ANKS1B: variants seen among roughly 807,000 people sequenced by gnomAD.
ANKS1B encodes the protein ankyrin repeat and sterile alpha motif domain containing 1B, also known as ankyrin repeat and sterile alpha motif domain-containing protein 1B.
Under a neutral mutation model 148.3 loss-of-function variants are expected in ANKS1B, and 36 were observed. The observed-to-expected ratio is 0.24, with a 90% CI of 0.19 to 0.32. The LOEUF is 0.32. Ranked by LOEUF, ANKS1B falls within the 10% of genes least tolerant of loss-of-function variation. ANKS1B has a pLI of 1.00. For missense variants in ANKS1B, 1,157 were observed against 1,542.6 expected, an observed-to-expected ratio of 0.75 and a Z score of 4.19; for synonymous variants, 542 against 560.8, an observed-to-expected ratio of 0.97 and a Z score of 0.47.
At chr12:99,088,886 C>T (rs911519774) in intron 15 of ANKS1B, among the ~76,000 whole-genome samples, 4 of 79,452 alleles carry the variant, frequency 5.0e-5, no homozygotes, top group African/African-American at 5.0e-5. Context: ...ACTGTTGTTG[C>T]CCAGGCTGGA....
chr12:98,869,234 T>C (rs1440184494), intron 17 of ANKS1B, among the ~76,000 whole-genome samples: 1 of 152,244 alleles, frequency 6.6e-6, no homozygotes, highest in African/African-American at 2.4e-5. Flanking sequence ...GCTTGATGCA[T>C]GCTTGGTATT....
At chr12:99,145,406 C>T (rs1309805210) in intron 15 of ANKS1B, among the ~76,000 whole-genome samples, 1 of 152,054 alleles carries the variant, frequency 6.6e-6, no homozygotes, top group Non-Finnish European at 1.5e-5. Context: ...GAGAGGTGAG[C>T]AAGTTCCAGG....
At chr12:99,080,850 A>G (rs989349419) in intron 16 of ANKS1B, among the ~76,000 whole-genome samples, 8 of 152,228 alleles carry the variant, frequency 5.3e-5, no homozygotes, top group African/African-American at 1.7e-4. Context: ...AGTAGAAAAA[A>G]AGCCATTTTC....
In ANKS1B at chr12:99,233,544, C is replaced by A. The variant is rs78562375; in HGVS notation, c.2419+10798G>T. On this transcript the variant is annotated intron_variant, in intron 14 of 26. Transcript: ENST00000683438. ...ATGAGGCATTGAATATAATTGAATCCTACACCAATACTGATTTGTTTGGCA... is the reference window on the plus strand; with the variant it reads ...ATGAGGCATTGAATATAATTGAATCATACACCAATACTGATTTGTTTGGCA... Among the ~76,000 whole-genome samples the A allele has an allele frequency of 3.9e-3, 590 of 152,196 alleles. 21 individuals carry two copies. In the East Asian group the frequency reaches 0.078, roughly 20 times the overall value.
At chr12:98,821,943 A>G (rs2099197793) in intron 19 of ANKS1B, among the ~76,000 whole-genome samples, 1 of 150,060 alleles carries the variant, frequency 6.7e-6, no homozygotes, top group Non-Finnish European at 1.5e-5. Context: ...CACTCTTGGA[A>G]AGATAGGTTC....
At chr12:99,635,280 A>T (rs2098221756) in intron 9 of ANKS1B, among the ~76,000 whole-genome samples, 1 of 152,202 alleles carries the variant, frequency 6.6e-6, no homozygotes. Flanking sequence ...AATTAAAAAC[A>T]GAATCAAAGA....
intron 12 of ANKS1B, among the ~76,000 whole-genome samples, chr12:99,391,906 C>A (rs1567014037): frequency 6.6e-6 from 1 of 152,206 alleles, no homozygotes; most frequent in Non-Finnish European, 1.5e-5. Flanking sequence ...ATATAATTTA[C>A]CATTACATCT....
chr12:98,999,484 G>A (rs936894812), intron 17 of ANKS1B, among the ~76,000 whole-genome samples: 4 of 152,026 alleles, frequency 2.6e-5, no homozygotes, highest in Admixed American at 6.5e-5. Flanking sequence ...ATTGGGATTT[G>A]GGTCAGATAA....
At position 99,504,518 on chromosome 12, in the gene ANKS1B, G is replaced by C; in HGVS notation, c.1396C>G (p.Pro466Ala). Residue 466 changes from proline (P) to alanine (A), a missense_variant, in exon 10 of 27, where the codon CCT (proline) becomes GCT (alanine). Physicochemically the swap from Pro to Ala is conservative, Grantham distance 27. Around this residue, in one of 6 missense-constraint regions of ANKS1B, gnomAD observed 661 missense variants for 642.1 expected, o/e 1.03. Coordinates refer to ENST00000683438, the MANE Select transcript of ANKS1B (RefSeq NM_001352186.2). ...DLMDTAVTKK[P>A]CSLEIARAPS... ...GCCCTTGCAATTTCTAAGGAGCAAG[G>C]TTTCTTTGTAACAGCTGTGTCCATG... The C allele has an allele frequency of 6.2e-7, 1 of 1,612,566 alleles. No individual in the cohort carries two copies. The highest frequency in any genetic ancestry group is 1.3e-5 in the African/African-American group (1 of 74,930).
chr12:98,787,982 G>T (rs1055466362), intron 22 of ANKS1B, among the ~76,000 whole-genome samples: 3 of 151,000 alleles, frequency 2.0e-5, no homozygotes, highest in African/African-American at 4.9e-5. Context: ...CTCTCAACAC[G>T]CTGAGAGCTC....
chr12:99,843,744 T>A (rs2086152079), intron 1 of ANKS1B, among the ~76,000 whole-genome samples: 1 of 152,132 alleles, frequency 6.6e-6, no homozygotes, highest in Non-Finnish European at 1.5e-5. Flanking sequence ...TATAACAGAA[T>A]AATATATATT....
At chr12:98,905,960 T>C (rs2099778452) in intron 17 of ANKS1B, among the ~76,000 whole-genome samples, 1 of 152,214 alleles carries the variant, frequency 6.6e-6, no homozygotes, top group Admixed American at 6.5e-5. Flanking sequence ...CCACGAGATC[T>C]ATACACTTTG....
At chr12:99,162,512 T>A (rs2076764663) in intron 14 of ANKS1B, among the ~76,000 whole-genome samples, 1 of 152,082 alleles carries the variant, frequency 6.6e-6, no homozygotes, top group Admixed American at 6.6e-5. Flanking sequence ...TCTTCTTTAG[T>A]TTTCTTGGTT....
At chr12:99,823,605 C>T (rs2082787430) in intron 2 of ANKS1B, among the ~76,000 whole-genome samples, 1 of 152,158 alleles carries the variant, frequency 6.6e-6, no homozygotes, top group Admixed American at 6.5e-5. Context: ...TGCACCTGGC[C>T]TCAATGTTTC....
chr12:99,522,030 G>A (rs1477596437), intron 9 of ANKS1B, among the ~76,000 whole-genome samples: 3 of 152,130 alleles, frequency 2.0e-5, no homozygotes, highest in African/African-American at 7.2e-5. Context: ...AGAGATTGGA[G>A]TCGAAAACCT....
Position 99,936,613 on chromosome 12 carries a change from C to T in ANKS1B, c.134+47491G>A, listed in dbSNP as rs533158736. 1.8e-3 allele frequency among the ~76,000 whole-genome samples: 269 copies of T among 152,266 alleles called. 2 individuals carry two copies. The highest frequency in any genetic ancestry group is 3.4e-3 in the African/African-American group (142 of 41,564). ...GACTGGGAATATCTACTTCTCCCTT[C>T]GCAGTCTTTTATTCAATATAAACCA... On this transcript the variant is annotated intron_variant, in intron 1 of 26. Transcript: ENST00000683438.
intron 9 of ANKS1B, among the ~76,000 whole-genome samples, chr12:99,537,227 G>A (rs2097079165): frequency 6.6e-6 from 1 of 152,156 alleles, no homozygotes; most frequent in African/African-American, 2.4e-5. Flanking sequence ...AAACATAGGA[G>A]TGCAGATATC....
Position 98,832,123 on chromosome 12 carries a change from T to C in ANKS1B, c.2792A>G (p.Asn931Ser). 6.3e-7 allele frequency: 1 copy of C among 1,576,406 alleles called. No individual in the cohort carries two copies. Residue 931 changes from asparagine to serine, a missense_variant, in exon 18 of 27, where the codon AAT (asparagine) becomes AGT (serine). Asn to Ser is a conservative substitution (Grantham distance 46). Transcript: ENST00000683438. The stretch of plus-strand genomic sequence containing the variant: ...AATACGTTTCCTGTGGCCAATCAAA[T>C]TGATTTTTAAAACCTGAAACAACAT... ...EVELINVLKI[N>S]LIGHRKRILA...
chr12:99,560,947 C>T (rs948636362), intron 9 of ANKS1B, among the ~76,000 whole-genome samples: 21 of 149,422 alleles, frequency 1.4e-4, no homozygotes, highest in East Asian at 6.2e-4. Flanking sequence ...CCTGGGTTCA[C>T]GCCATTCTCC....
Sources: allele counts gnomAD v4.1 joint callset (sites outside exome capture counted in the v4.1 genomes callset), GRCh38; gene constraint gnomAD v4.1.1; regional missense constraint gnomAD v4.1.1; transcripts MANE v1.5; gene names NCBI Gene and HGNC (gene_info 2026-07-23, HGNC 2026-07-21).